Variants in RBFOX1 observed in about 807,000 individuals in gnomAD.
RBFOX1 encodes RNA binding protein fox-1 homolog 1.
Under a neutral mutation model 57.7 loss-of-function variants are expected in RBFOX1, and 8 were observed. The ratio of observed to expected loss-of-function variants is 0.14; its 90% CI spans 0.08 to 0.25. The LOEUF is 0.25. Ranked by LOEUF, RBFOX1 falls within the 10% of genes least tolerant of loss-of-function variation. The pLI is 1.00. For missense variants in RBFOX1, 611 were observed against 548.5 expected (o/e 1.11, Z -1.14); for synonymous variants, 326 against 222.4 (o/e 1.47, Z -4.15).
At position 7,554,546 on chromosome 16, in the gene RBFOX1, C is replaced by G. The variant is rs569617415; in HGVS notation, c.271-25231C>G. Among the ~76,000 whole-genome samples the G allele has an allele frequency of 2.0e-5, 3 of 152,198 alleles. No individual in the cohort carries two copies. The East Asian group carries it at 5.8e-4, about 29-fold the overall frequency. On this transcript the variant is annotated intron_variant, in intron 5 of 15. Coordinates refer to ENST00000550418, the MANE Select transcript of RBFOX1 (RefSeq NM_018723.4). ...GACTTAGCTTCTCTAGATCTGCTTC[C>G]TATCAGAAATGTGGAGATGTTCAAA...
At chr16:6,624,762 T>A (rs768359106) in intron 2 of RBFOX1, among the ~76,000 whole-genome samples, 13 of 152,218 alleles carry the variant, frequency 8.5e-5, no homozygotes, top group Non-Finnish European at 1.5e-4. Flanking sequence ...GCTGTTCTTA[T>A]GTCAAGTCAG....
chr16:5,508,166 C>G (rs1649757648), intron 2 of RBFOX1, among the ~76,000 whole-genome samples: 1 of 152,170 alleles, frequency 6.6e-6, no homozygotes, highest in Non-Finnish European at 1.5e-5. Context: ...TGCTGGGGGT[C>G]TGGACGTGGT....
At chr16:7,003,852 A>G (rs8054753) in intron 3 of RBFOX1, among the ~76,000 whole-genome samples, 16,770 of 152,138 alleles carry the variant, frequency 0.11, 1,361 homozygotes, top group East Asian at 0.24. Flanking sequence ...AAGACTCACT[A>G]ATGGTTTTCA....
chr16:6,930,356 C>A (rs751413018), intron 3 of RBFOX1, among the ~76,000 whole-genome samples: 1 of 152,068 alleles, frequency 6.6e-6, no homozygotes, highest in Non-Finnish European at 1.5e-5. Context: ...TAGAGAAATG[C>A]AAATCAAAGT....
chr16:6,960,781 C>A (rs923238212), intron 3 of RBFOX1, among the ~76,000 whole-genome samples: 1 of 151,894 alleles, frequency 6.6e-6, no homozygotes, highest in African/African-American at 2.4e-5. Context: ...ATCATCATAT[C>A]CCTGACTGTA....
intron 4 of RBFOX1, among the ~76,000 whole-genome samples, chr16:7,120,864 T>C (rs1232962946): frequency 1.7e-5 from 1 of 58,188 alleles, no homozygotes; most frequent in Admixed American, 2.1e-4. Flanking sequence ...CACACATACG[T>C]AAACATATAT....
At chr16:5,409,053 T>G (rs1029652753) in intron 1 of RBFOX1, among the ~76,000 whole-genome samples, 12 of 152,200 alleles carry the variant, frequency 7.9e-5, no homozygotes, top group Non-Finnish European at 1.3e-4. Context: ...TGTTGGAATT[T>G]CAGATGGAGC....
chr16:6,457,483 C>T (rs1188729896), intron 2 of RBFOX1, among the ~76,000 whole-genome samples: 1 of 142,472 alleles, frequency 7.0e-6, no homozygotes. Context: ...GAGAAGTGTG[C>T]CTTCCATGAT....
At chr16:6,784,523 T>C (rs1364925076) in intron 3 of RBFOX1, among the ~76,000 whole-genome samples, 1 of 152,200 alleles carries the variant, frequency 6.6e-6, no homozygotes, top group Non-Finnish European at 1.5e-5. Flanking sequence ...CTCTTCTATG[T>C]TATCTCCAAG....
chr16:7,093,165 A>T (rs2061145551), intron 4 of RBFOX1, among the ~76,000 whole-genome samples: 1 of 152,166 alleles, frequency 6.6e-6, no homozygotes, highest in African/African-American at 2.4e-5. Flanking sequence ...GTTTCTGTTG[A>T]CCTGGCAAGT....
chr16:6,958,578 C>T (rs539864054), intron 3 of RBFOX1, among the ~76,000 whole-genome samples: 1 of 152,114 alleles, frequency 6.6e-6, no homozygotes, highest in South Asian at 2.1e-4. Flanking sequence ...AACAACCAAA[C>T]GGAATATTTC....
At chr16:5,519,567 T>TA (rs950900068) in intron 2 of RBFOX1, among the ~76,000 whole-genome samples, 10 of 151,674 alleles carry the variant, frequency 6.6e-5, no homozygotes, top group African/African-American at 9.7e-5. Flanking sequence ...CTATGAAAAA[T>TA]AAAAAAAATT....
chr16:5,437,904 G>A (rs2067965780), intron 1 of RBFOX1, among the ~76,000 whole-genome samples: 1 of 152,184 alleles, frequency 6.6e-6, no homozygotes, highest in African/African-American at 2.4e-5. Flanking sequence ...TTGATTGGCT[G>A]TTGAAGATTG....
intron 3 of RBFOX1, among the ~76,000 whole-genome samples, chr16:6,837,973 C>A (rs1030639141): frequency 2.6e-5 from 4 of 151,410 alleles, no homozygotes; most frequent in African/African-American, 9.7e-5. Context: ...GAAGTTACCA[C>A]CCCTTTCCAT....
intron 4 of RBFOX1, among the ~76,000 whole-genome samples, chr16:7,287,433 C>G (rs1017432147): frequency 6.6e-6 from 1 of 152,140 alleles, no homozygotes; most frequent in African/African-American, 2.4e-5. Context: ...CACCATCAAA[C>G]TTGCTCTAAA....
intron 3 of RBFOX1, among the ~76,000 whole-genome samples, chr16:6,885,605 C>A (rs370873872): frequency 2.0e-5 from 3 of 151,962 alleles, no homozygotes; most frequent in Admixed American, 6.6e-5. Context: ...AGTCTCGGCT[C>A]ACTGCCACCT....
rs76317895 is a variant in RBFOX1 at position 7,167,792 on chromosome 16, A to G, written c.27+115694A>G. On this transcript the variant is annotated intron_variant, in intron 4 of 15. Coordinates refer to ENST00000550418, the MANE Select transcript of RBFOX1 (RefSeq NM_018723.4). The stretch of plus-strand genomic sequence containing the variant: ...TGTCTATGGCTGCTTTCACTCTGCA[A>G]GGGCAGAGTTGAATAACTGCGACAA... 9.7e-3 allele frequency among the ~76,000 whole-genome samples: 1,484 copies of G among 152,324 alleles called. 24 individuals carry two copies. Among genetic ancestry groups the G allele is most frequent in the African/African-American group, 0.034 (1,404 of 41,564 alleles).
At chr16:7,263,931 A>T (rs957142058) in intron 4 of RBFOX1, among the ~76,000 whole-genome samples, 2 of 151,248 alleles carry the variant, frequency 1.3e-5, no homozygotes, top group Non-Finnish European at 2.9e-5. Context: ...AAAAAAAAAA[A>T]AAAAACAAGT....
chr16:6,636,831 T>C (rs1444787636), intron 2 of RBFOX1, among the ~76,000 whole-genome samples: 1 of 110,600 alleles, frequency 9.0e-6, no homozygotes, highest in Non-Finnish European at 1.8e-5. Context: ...ATATATGTTA[T>C]ATATAATATA....
Sources: allele counts gnomAD v4.1 joint callset (sites outside exome capture counted in the v4.1 genomes callset), GRCh38; gene constraint gnomAD v4.1.1; transcripts MANE v1.5; gene names NCBI Gene and HGNC (gene_info 2026-07-23, HGNC 2026-07-21).